The following TRPM2 variants were observed in gnomAD, a reference collection of about 807,000 sequenced individuals.
TRPM2 encodes the protein estrogen-responsive element-associated gene 1 protein.
TRPM2 carries 161 observed loss-of-function variants against 174.0 expected under a neutral mutation model. The ratio of observed to expected loss-of-function variants is 0.93; its 90% CI spans 0.81 to 1.05. TRPM2 has a LOEUF of 1.05. Ranked by LOEUF, TRPM2 falls within the 50% of genes least tolerant of loss-of-function variation. The pLI is 0.00. For synonymous variants in TRPM2, 954 were observed against 861.3 expected (o/e 1.11, Z -1.88); for missense variants, 2,057 against 2,038.0 (o/e 1.01, Z -0.18).
chr21:44,371,933 G>C (rs1419498095), intron 5 of TRPM2, among the ~76,000 whole-genome samples: 3 of 152,120 alleles, frequency 2.0e-5, no homozygotes, highest in Non-Finnish European at 4.4e-5. Context: ...AAAAGTTCAA[G>C]ACCAGCTTGG....
intron 15 of TRPM2, 46 bp from the exon 16 acceptor site, chr21:44,401,635 C>A (rs1426309601): frequency 6.3e-7 from 1 of 1,596,836 alleles, no homozygotes; most frequent in Non-Finnish European, 8.5e-7. Context: ...AGGTCAGGAC[C>A]CTGGCCCTGG....
chr21:44,375,900 A>G lies in TRPM2; in HGVS notation c.839A>G (p.Asn280Ser). 1 of 1,613,844 alleles carries G rather than the reference A, an allele frequency of 6.2e-7. No homozygotes were observed. Among genetic ancestry groups the G allele is most frequent in the Non-Finnish European group, 8.5e-7 (1 of 1,180,000 alleles). The change falls in exon 6 of 32, where the codon AAC (asparagine) becomes AGC (serine). Residue 280 changes from asparagine (N) to serine (S), a missense_variant. Asn to Ser is a conservative substitution (Grantham distance 46). Transcript: ENST00000397928. ...GGGAACCTGACCTGCCTAGACAGCA[A>G]CCACTCTCACTTCATCCTCGTGGAC... ...GQGNLTCLDS[N>S]HSHFILVDDG...
Position 44,376,043 on chromosome 21 carries a change from G to T in TRPM2, c.952+30G>T. On this transcript the variant is annotated intron_variant, in intron 6 of 31. Transcript: ENST00000397928. The surrounding 1 kb of genome is among the most constrained non-coding windows in gnomAD (Gnocchi z 4.2). ...GGGAGCTTGCTTTCGAGGGTGATTG[G>T]GCAGAGAGCACAGTGGGCTGGTCAG... 3 of 1,605,126 alleles carry T rather than the reference G, an allele frequency of 1.9e-6. No individual in the cohort carries two copies. Among genetic ancestry groups the T allele is most frequent in the Non-Finnish European group, 2.6e-6 (3 of 1,173,804 alleles).
intron 19 of TRPM2, among the ~76,000 whole-genome samples, chr21:44,409,663 ACTGTCTTGGTG>A (rs1341684594): frequency 2.9e-5 from 3 of 102,646 alleles, no homozygotes; most frequent in African/African-American, 1.1e-4. Flanking sequence ...TTTTGACTGC[ACTGTCTTGGTG>A]TAGCCTTGTA....
intron 15 of TRPM2, among the ~76,000 whole-genome samples, chr21:44,401,117 G>C (rs990314767): frequency 6.6e-6 from 1 of 152,198 alleles, no homozygotes; most frequent in African/African-American, 2.4e-5. Flanking sequence ...TCCTAAAGCA[G>C]TGCTGGCTTC....
At position 44,391,825 on chromosome 21, in the gene TRPM2, C is replaced by T. The variant is rs1602200415; in HGVS notation, c.1794+200C>T. 6.6e-6 allele frequency among the ~76,000 whole-genome samples: 1 copy of T among 152,220 alleles called. No individual in the cohort carries two copies. Among genetic ancestry groups the T allele is most frequent in the Non-Finnish European group, 1.5e-5 (1 of 68,046 alleles). On this transcript the variant is annotated intron_variant, in intron 11 of 31. Coordinates refer to ENST00000397928, the MANE Select transcript of TRPM2 (RefSeq NM_003307.4). The surrounding 1 kb of genome is among the most constrained non-coding windows in gnomAD (Gnocchi z 5.0). Reference sequence around the variant, plus strand: ...TTTATTTTCTCGAAGTTCTGGAAGCCCGAAGTCCCAGATTAAGGCACCAGC... The same window carrying T: ...TTTATTTTCTCGAAGTTCTGGAAGCTCGAAGTCCCAGATTAAGGCACCAGC...
At chr21:44,418,384 G>T (rs1256833600) in intron 21 of TRPM2, 39 bp from the exon 22 acceptor site, 16 of 1,606,386 alleles carry the variant, frequency 1.0e-5, no homozygotes, top group Non-Finnish European at 1.3e-5. Flanking sequence ...CACCTCCTGA[G>T]GATTCCAGGT....
At chr21:44,388,650 CAAAAAAAA>C in intron 9 of TRPM2, among the ~76,000 whole-genome samples, 1 of 83,004 alleles carries the variant, frequency 1.2e-5, no homozygotes, top group South Asian at 4.1e-4. Context: ...CCTGTCACTA[CAAAAAAAA>C]AAAAAAAAAA....
At chr21:44,398,232 G>A (rs912536954) in intron 13 of TRPM2, among the ~76,000 whole-genome samples, 1 of 135,692 alleles carries the variant, frequency 7.4e-6, no homozygotes, top group Non-Finnish European at 1.5e-5. Context: ...ATGGAGTGTC[G>A]CTCTGTTGCC....
Position 44,366,639 on chromosome 21 carries a change from G to C in TRPM2, c.424-115G>C. The C allele has an allele frequency of 2.8e-6, 4 of 1,420,378 alleles. No individual in the cohort carries two copies. Among genetic ancestry groups the C allele is most frequent in the Non-Finnish European group, 3.9e-6 (4 of 1,031,054 alleles). The allele number at this position is 1,420,378 out of a possible 1,614,324, so 88.0% of individuals were successfully genotyped here. On this transcript the variant is annotated intron_variant, in intron 3 of 31. Coordinates refer to ENST00000397928, the MANE Select transcript of TRPM2 (RefSeq NM_003307.4). This position sits in a 1 kb window ranked among gnomAD's most constrained non-coding sequence, Gnocchi z 6.0. The stretch of plus-strand genomic sequence containing the variant: ...GGACCCCTTTTCTGGGTCTGAGCCG[G>C]AAAGGTGTGCGGTGTCTGCCGCCCG...
rs2047968077 is a variant in TRPM2, at chr21:44,353,633, T to C, written c.-68T>C. 2 of 1,391,222 alleles carry C rather than the reference T, an allele frequency of 1.4e-6. No individual in the cohort carries two copies. Among genetic ancestry groups the C allele is most frequent in the South Asian group, 3.4e-5 (2 of 58,708 alleles). The allele number at this position is 1,391,222 out of a possible 1,614,324, so 86.2% of individuals were successfully genotyped here. A position where few individuals can be genotyped will look rare whatever the true frequency, so the allele number is the denominator to read the frequency against. On this transcript the variant is annotated 5_prime_UTR_variant, in exon 1 of 32. Transcript: ENST00000397928. ...CCCATGTGTCTCTAGAACCCCAGTG[T>C]AGCGAGCTGGAGAGAGGACTGTCCT...
chr21:44,372,923 GA>G (rs1478165969), intron 5 of TRPM2, among the ~76,000 whole-genome samples: 1 of 152,126 alleles, frequency 6.6e-6, no homozygotes, highest in East Asian at 1.9e-4. Flanking sequence ...GGAGTCTGAC[GA>G]CCTTTCATTT....
chr21:44,426,112 A>G (rs993609735), intron 25 of TRPM2, among the ~76,000 whole-genome samples: 1 of 151,960 alleles, frequency 6.6e-6, no homozygotes, highest in African/African-American at 2.4e-5. Context: ...CCCAGGGCCC[A>G]GCCCCCCGGC....
At chr21:44,368,473 T>C (rs2048421763) in intron 4 of TRPM2, among the ~76,000 whole-genome samples, 1 of 151,368 alleles carries the variant, frequency 6.6e-6, no homozygotes, top group South Asian at 2.1e-4. Flanking sequence ...TCACCCAGGC[T>C]GGAGTGCAGT....
At chr21:44,405,579 T>A (rs1785453) in intron 17 of TRPM2, among the ~76,000 whole-genome samples, 6 of 151,902 alleles carry the variant, frequency 3.9e-5, no homozygotes, top group Non-Finnish European at 5.9e-5. Context: ...CTCCCTACTG[T>A]GGGCTCACTG....
At chr21:44,405,047 C>T in intron 16 of TRPM2, 95 bp from the exon 17 acceptor site, 1 of 1,541,782 alleles carries the variant, frequency 6.5e-7, no homozygotes, top group Non-Finnish European at 8.9e-7. Flanking sequence ...GTGACAGTGA[C>T]TGTGATGATG....
rs111756448 is a variant in TRPM2 at position 44,361,988 on chromosome 21, C to T, written c.255-2126C>T. Among the ~76,000 whole-genome samples the T allele has an allele frequency of 3.3e-3, 496 of 152,298 alleles. 1 individual carries two copies. The highest frequency in any genetic ancestry group is 0.011 in the African/African-American group (460 of 41,560). ...CCTCCCAAAGTGTTCGGATTACAGG[C>T]GTGAGCCACTGCTTACACCATACTA... On this transcript the variant is annotated intron_variant, in intron 2 of 31. Transcript: ENST00000397928.
rs201007554 is a variant in TRPM2 at position 44,425,768 on chromosome 21, C to T, written c.3736C>T (p.Leu1246Phe). The T allele has an allele frequency of 1.3e-6, 2 of 1,597,190 alleles. No individual in the cohort carries two copies. Among genetic ancestry groups the T allele is most frequent in the Non-Finnish European group, 1.7e-6 (2 of 1,169,658 alleles). ...DSYHVNARHL[L>F]YPNCPVTRFP... is the part of the protein sequence containing the mutation. ...CTACCACGTGAATGCCCGGCACCTC[C>T]TCTACCCCAACTGCCCTGTCACGCG... Residue 1246 changes from leucine (L) to phenylalanine (F), a missense_variant, in exon 25 of 32, where the codon CTC (leucine) becomes TTC (phenylalanine). Physicochemically the swap from Leu to Phe is conservative, Grantham distance 22. Coordinates refer to ENST00000397928, the MANE Select transcript of TRPM2 (RefSeq NM_003307.4).
chr21:44,421,421 C>T (rs569391576), intron 22 of TRPM2, among the ~76,000 whole-genome samples: 1 of 152,224 alleles, frequency 6.6e-6, no homozygotes, highest in South Asian at 2.1e-4. Context: ...CCTAGGTGCT[C>T]AGTGGAAGTT....
Sources: allele counts gnomAD v4.1 joint callset (sites outside exome capture counted in the v4.1 genomes callset), GRCh38; gene constraint gnomAD v4.1.1; non-coding constraint Gnocchi (gnomAD v3.1); transcripts MANE v1.5; gene names NCBI Gene and HGNC (gene_info 2026-07-23, HGNC 2026-07-21).